The following NSMF variants were observed in gnomAD, a reference collection of about 807,000 sequenced individuals.
The protein encoded by NSMF is nasal embryonic LHRH factor.
NSMF carries 31 observed loss-of-function variants against 71.0 expected under a neutral mutation model. The observed-to-expected ratio is 0.44, with a 90% CI of 0.33 to 0.59. The LOEUF is 0.59. Ranked by LOEUF, NSMF falls within the 20% of genes least tolerant of loss-of-function variation. The pLI is 0.04. For missense variants in NSMF, 673 were observed against 740.5 expected, an observed-to-expected ratio of 0.91 and a Z score of 1.06; for synonymous variants, 345 against 287.1, an observed-to-expected ratio of 1.20 and a Z score of -2.04.
At chr9:137,452,674 G>A (rs1307110185) in intron 10 of NSMF, 62 bp downstream of exon 10, 14 of 1,602,096 alleles carry the variant, frequency 8.7e-6, no homozygotes, top group East Asian at 2.2e-5. Flanking sequence ...GGGTGCCGGC[G>A]CTGGCCCAGG....
At chr9:137,449,749 G>A (rs1298736313) in intron 14 of NSMF, 75 bp from the exon 15 acceptor site, 2 of 1,427,296 alleles carry the variant, frequency 1.4e-6, no homozygotes, top group African/African-American at 2.8e-5. Context: ...TGGGGAGCAG[G>A]GCCCACCCTC....
rs764647359 is a variant in NSMF at position 137,449,895 on chromosome 9, C to G, written c.1419+28G>C. On this transcript the variant is annotated intron_variant, in intron 14 of 15. Coordinates refer to ENST00000371475, the MANE Select transcript of NSMF (RefSeq NM_001130969.3). ...GTCCACGTCGGGGGTTTCCAGAGGTCTGGGGTGGGGCTTGGGGGTCACTGT... is the reference window on the plus strand; with the variant it reads ...GTCCACGTCGGGGGTTTCCAGAGGTGTGGGGTGGGGCTTGGGGGTCACTGT... The G allele has an allele frequency of 1.6e-5, 25 of 1,581,416 alleles. No homozygotes were observed. In the South Asian group the frequency reaches 2.8e-4, roughly 17 times the overall value.
intron 1 of NSMF, 139 bp downstream of exon 1, chr9:137,458,893 A>AGGCGCGG (rs1395931044): frequency 1.1e-5 from 7 of 663,132 alleles, no homozygotes; most frequent in South Asian, 5.3e-5. Context: ...AGGAAGAGGG[A>AGGCGCGG]GGCGCGGGGC....
At chr9:137,454,737 G>A (rs1830746615) in intron 6 of NSMF, 2 of 1,476,296 alleles carry the variant, frequency 1.4e-6, no homozygotes, top group South Asian at 1.2e-5. Flanking sequence ...GTCCTCGCCC[G>A]GGACTTACGC....
rs1356737791 is a variant in NSMF at position 137,453,897 on chromosome 9, A to G, written c.833-77T>C. Reference sequence around the variant, plus strand: ...GTCTCAGACCCCAGGCGAGGGGACCACAGGGGCCCTGGGCAGAGGAGGAAG... The same window carrying G: ...GTCTCAGACCCCAGGCGAGGGGACCGCAGGGGCCCTGGGCAGAGGAGGAAG... On this transcript the variant is annotated intron_variant, in intron 7 of 15. Transcript: ENST00000371475. The surrounding 1 kb of genome is among the most constrained non-coding windows in gnomAD (Gnocchi z 4.5). The G allele has an allele frequency of 1.7e-5, 21 of 1,256,104 alleles. No homozygotes were observed. The highest frequency in any genetic ancestry group is 2.3e-5 in the Non-Finnish European group (21 of 894,188). 77.8% of individuals were successfully genotyped at this position (1,256,104 alleles called of 1,614,324 possible).
chr9:137,455,566 G>A, intron 5 of NSMF, 63 bp downstream of exon 5: 26 of 1,530,782 alleles, frequency 1.7e-5, no homozygotes, highest in Non-Finnish European at 2.2e-5. Flanking sequence ...CCTATTTGGG[G>A]TGGGAGGGTC....
chr9:137,454,527 T>C, intron 6 of NSMF, 84 bp from the exon 7 acceptor site: 1 of 1,549,456 alleles, frequency 6.5e-7, no homozygotes, highest in Non-Finnish European at 8.7e-7. Context: ...GGGTCATGGC[T>C]CTACTCTCAC....
chr9:137,458,543 G>T lies in NSMF; in HGVS notation c.78C>A (p.Ala26=), dbSNP rs1307575902. The change falls in exon 2 of 16, where the codon GCC becomes GCA. Residue 26 remains alanine, a synonymous_variant. Transcript: ENST00000371475. ...GGGACAGGTACTCTCCAAACGCTCGGGCTGCTCTGAGGGTGGACAGAGGGC... is the reference window on the plus strand; with the variant it reads ...GGGACAGGTACTCTCCAAACGCTCGTGCTGCTCTGAGGGTGGACAGAGGGC... The part of the protein sequence containing the change: ...MSSVAAKVRA[A]RAFGEYLSQS... 2 of 1,596,786 alleles carry T rather than the reference G, an allele frequency of 1.3e-6. No individual in the cohort carries two copies. Among genetic ancestry groups the T allele is most frequent in the South Asian group, 1.1e-5 (1 of 88,794 alleles).
chr9:137,455,755 C>T (rs923660141), intron 4 of NSMF, 121 bp from the exon 5 acceptor site: 3 of 1,097,416 alleles, frequency 2.7e-6, no homozygotes, highest in Admixed American at 2.0e-5. Flanking sequence ...CCAATAGGTC[C>T]CTCACAGGTA....
chr9:137,454,986 G>C (rs1277483562), intron 6 of NSMF: 6 of 718,578 alleles, frequency 8.3e-6, no homozygotes, highest in Middle Eastern at 2.3e-4. Flanking sequence ...TGATTGGAGT[G>C]GGGGAGGGGG....
rs573704153 is a variant in NSMF, at chr9:137,455,479, C to T, written c.710+150G>A. On this transcript the variant is annotated intron_variant, in intron 5 of 15. Transcript: ENST00000371475. ...GCCCAGCTCCCAGCAGGCCCTGCTGCGACCTCGGTGCCCGCTGGGAGCCAG... is the reference window on the plus strand; with the variant it reads ...GCCCAGCTCCCAGCAGGCCCTGCTGTGACCTCGGTGCCCGCTGGGAGCCAG... 55 of 1,155,064 alleles carry T rather than the reference C, an allele frequency of 4.8e-5. No homozygotes were observed. The East Asian group carries it at 8.0e-4, about 17-fold the overall frequency. The allele number at this position is 1,155,064 out of a possible 1,614,324, so 71.6% of individuals were successfully genotyped here.
rs183070606 is a variant in NSMF, at chr9:137,454,037, A to T, written c.833-217T>A. On this transcript the variant is annotated intron_variant, in intron 7 of 15. Coordinates refer to ENST00000371475, the MANE Select transcript of NSMF (RefSeq NM_001130969.3). ...GGCCAGAGGCGGAGTCTGGGAAGGG[A>T]GGAGCCTGGGCCGGGCTGGGGGCGT... Among the ~76,000 whole-genome samples, 1,474 of 150,036 alleles carry T rather than the reference A, an allele frequency of 9.8e-3. 26 individuals carry two copies. Among genetic ancestry groups the T allele is most frequent in the African/African-American group, 0.034 (1,377 of 40,510 alleles).
At chr9:137,454,922 C>T in intron 6 of NSMF, 1 of 694,100 alleles carries the variant, frequency 1.4e-6, no homozygotes, top group Admixed American at 2.3e-5. Flanking sequence ...ACTTTGGACC[C>T]TGCCAAGGCC....
chr9:137,457,941 G>GC (rs1213597086), intron 2 of NSMF, 40 bp from the exon 3 acceptor site: 5 of 1,535,600 alleles, frequency 3.3e-6, no homozygotes, highest in Admixed American at 3.9e-5. Flanking sequence ...CCGCGTGTGG[G>GC]CCCCCCGCTG....
At chr9:137,450,313 T>C (rs559594131) in intron 12 of NSMF, 58 bp from the exon 13 acceptor site, 1 of 1,401,022 alleles carries the variant, frequency 7.1e-7, no homozygotes, top group South Asian at 1.2e-5. Context: ...CCGACACACA[T>C]GCACCCACGC....
chr9:137,452,871 G>C (rs749748613), intron 9 of NSMF, 52 bp from the exon 10 acceptor site: 1 of 1,562,820 alleles, frequency 6.4e-7, no homozygotes, highest in Non-Finnish European at 8.7e-7. Flanking sequence ...AAAAGCCAAG[G>C]GGCTGTGGGA....
At chr9:137,450,146 T>C (rs757204530) in intron 13 of NSMF, 30 bp downstream of exon 13, 12 of 1,607,908 alleles carry the variant, frequency 7.5e-6, no homozygotes, top group African/African-American at 2.7e-5. Flanking sequence ...CCTCCAGCCC[T>C]CCCCGCGCCC....
intron 14 of NSMF, 122 bp downstream of exon 14, chr9:137,449,801 G>A (rs1261509907): frequency 7.7e-7 from 1 of 1,295,686 alleles, no homozygotes; most frequent in African/African-American, 1.5e-5. Flanking sequence ...CAGGCATAAA[G>A]GATTTCTAGG....
chr9:137,452,354 C>T lies in NSMF; in HGVS notation c.1236+11G>A, dbSNP rs758980768. 18 of 1,611,214 alleles carry T rather than the reference C, an allele frequency of 1.1e-5. No homozygotes were observed. Among genetic ancestry groups the T allele is most frequent in the Non-Finnish European group, 1.5e-5 (18 of 1,179,560 alleles). ...TCTTCTCCTGGTCAGGAGACGAGCA[C>T]TGAGCCCCACCTGGCAGAAAATCAG... On this transcript the variant is annotated intron_variant, in intron 12 of 15. Coordinates refer to ENST00000371475, the MANE Select transcript of NSMF (RefSeq NM_001130969.3).
Sources: gnomAD v4.1 joint callset for allele counts (sites outside exome capture counted in the v4.1 genomes callset) on GRCh38, gnomAD v4.1.1 for gene constraint, Gnocchi (gnomAD v3.1) non-coding constraint, MANE v1.5 for transcripts, NCBI Gene and HGNC (gene_info 2026-07-23, HGNC 2026-07-21) for gene names.